KLHL1: variants seen among roughly 807,000 people sequenced by gnomAD.
The protein encoded by KLHL1 is kelch like family member 1.
Under a neutral mutation model 77.7 loss-of-function variants are expected in KLHL1, and 47 were observed. That is an observed-to-expected ratio of 0.60 (90% CI 0.48 to 0.77). The LOEUF (loss-of-function observed/expected upper bound fraction) is 0.77, where lower values mean the gene tolerates loss of function less well. KLHL1 is among the 30% of genes least tolerant of loss of function. KLHL1 has a pLI of 0.00. For missense variants in KLHL1, 925 were observed against 910.8 expected, an observed-to-expected ratio of 1.02 and a Z score of -0.20; for synonymous variants, 360 against 325.2, an observed-to-expected ratio of 1.11 and a Z score of -1.15.
intron 1 of KLHL1, among the ~76,000 whole-genome samples, chr13:70,073,739 T>G (rs959870758): frequency 6.6e-6 from 1 of 151,984 alleles, no homozygotes; most frequent in African/African-American, 2.4e-5. Context: ...ATCGTGCCAC[T>G]GCACTTTAGC....
At chr13:69,925,062 G>C (rs1028521538) in intron 4 of KLHL1, among the ~76,000 whole-genome samples, 43 of 152,146 alleles carry the variant, frequency 2.8e-4, no homozygotes, top group African/African-American at 9.4e-4. Context: ...GGTAGTGCAA[G>C]CTGGGGACAG....
chr13:69,931,827 A>G (rs1213492051), intron 4 of KLHL1, among the ~76,000 whole-genome samples: 2 of 151,896 alleles, frequency 1.3e-5, no homozygotes, highest in East Asian at 3.9e-4. Context: ...AAATTATGTT[A>G]CCTGTTAAAA....
intron 3 of KLHL1, among the ~76,000 whole-genome samples, chr13:69,945,253 G>T (rs1017416515): frequency 6.6e-6 from 1 of 151,696 alleles, no homozygotes; most frequent in African/African-American, 2.4e-5. Flanking sequence ...GATTACATGC[G>T]TGAGCCACTG....
intron 4 of KLHL1, among the ~76,000 whole-genome samples, chr13:69,938,338 AAATT>A (rs1883247961): frequency 6.6e-6 from 1 of 152,040 alleles, no homozygotes. Context: ...TCTAAGAAAT[AAATT>A]AATTTAGAGT....
chr13:69,904,365 C>A (rs964445553), intron 4 of KLHL1, among the ~76,000 whole-genome samples: 27 of 152,062 alleles, frequency 1.8e-4, no homozygotes, highest in African/African-American at 6.0e-4. Flanking sequence ...TGTATTTCAG[C>A]GAGATTTCTA....
intron 3 of KLHL1, among the ~76,000 whole-genome samples, chr13:69,947,244 G>A (rs1183459795): frequency 6.6e-6 from 1 of 152,086 alleles, no homozygotes; most frequent in African/African-American, 2.4e-5. Flanking sequence ...AATATTGGAT[G>A]TGGACAGTGA....
chr13:69,987,540 A>G (rs1419297990), intron 1 of KLHL1, among the ~76,000 whole-genome samples: 1 of 152,006 alleles, frequency 6.6e-6, no homozygotes, highest in Non-Finnish European at 1.5e-5. Flanking sequence ...GAAAAAAGGA[A>G]GTGAAAAGGA....
chr13:69,908,537 G>A (rs1882120570), intron 4 of KLHL1, among the ~76,000 whole-genome samples: 1 of 145,604 alleles, frequency 6.9e-6, no homozygotes, highest in South Asian at 2.2e-4. Flanking sequence ...AATTTGAAGA[G>A]AAAACGTAAA....
At chr13:69,750,205 C>G (rs2137946499) in intron 7 of KLHL1, among the ~76,000 whole-genome samples, 1 of 151,700 alleles carries the variant, frequency 6.6e-6, no homozygotes, top group East Asian at 1.9e-4. Flanking sequence ...CCAGGTATAA[C>G]TTATTTAAAA....
chr13:69,741,508 T>C (rs920924348), intron 7 of KLHL1, among the ~76,000 whole-genome samples: 1 of 151,598 alleles, frequency 6.6e-6, no homozygotes, highest in Non-Finnish European at 1.5e-5. Flanking sequence ...AGTTTATTAC[T>C]CATAGCAACA....
intron 2 of KLHL1, among the ~76,000 whole-genome samples, chr13:69,964,083 A>C (rs1884145546): frequency 6.6e-6 from 1 of 151,824 alleles, no homozygotes; most frequent in Non-Finnish European, 1.5e-5. Flanking sequence ...TTGCTTTGTC[A>C]CCCAGGCTGG....
chr13:69,852,608 T>C (rs1376579586), intron 5 of KLHL1, among the ~76,000 whole-genome samples: 2 of 151,998 alleles, frequency 1.3e-5, no homozygotes, highest in Non-Finnish European at 2.9e-5. Flanking sequence ...AGAAAAAATT[T>C]TAATCACTTT....
chr13:70,004,542 T>C (rs1486050220), intron 1 of KLHL1, among the ~76,000 whole-genome samples: 1 of 151,902 alleles, frequency 6.6e-6, no homozygotes, highest in African/African-American at 2.4e-5. Flanking sequence ...CCACGTTTCC[T>C]TTTTTTGTAT....
intron 9 of KLHL1, among the ~76,000 whole-genome samples, chr13:69,718,717 T>G (rs2137892319): frequency 1.3e-5 from 2 of 152,244 alleles, no homozygotes; most frequent in East Asian, 3.9e-4. Flanking sequence ...GCGATACCTG[T>G]GCCAGAAGTC....
chr13:69,913,896 T>C (rs1226564532), intron 4 of KLHL1, among the ~76,000 whole-genome samples: 1 of 152,066 alleles, frequency 6.6e-6, no homozygotes, highest in Non-Finnish European at 1.5e-5. Context: ...CCAAAGGAGA[T>C]TAACATTTGA....
At chr13:69,927,729 A>G (rs553228185) in intron 4 of KLHL1, among the ~76,000 whole-genome samples, 1 of 152,338 alleles carries the variant, frequency 6.6e-6, no homozygotes, top group Non-Finnish European at 1.5e-5. Context: ...TAGGATGGCT[A>G]TAATCAATAA....
At chr13:69,945,120 G>A (rs1166928134) in intron 3 of KLHL1, among the ~76,000 whole-genome samples, 1 of 150,504 alleles carries the variant, frequency 6.6e-6, no homozygotes, top group Non-Finnish European at 1.5e-5. Flanking sequence ...CAGGTAGCTG[G>A]GATTACAGTC....
At chr13:69,917,035 T>G (rs1566399327) in intron 4 of KLHL1, among the ~76,000 whole-genome samples, 1 of 152,072 alleles carries the variant, frequency 6.6e-6, no homozygotes, top group African/African-American at 2.4e-5. Context: ...TGCAGGTATA[T>G]GTGTATTGTT....
At chr13:70,076,324 C>G (rs1887265964) in intron 1 of KLHL1, among the ~76,000 whole-genome samples, 2 of 148,252 alleles carry the variant, frequency 1.3e-5, no homozygotes, top group African/African-American at 5.0e-5. Flanking sequence ...AACAGACCCA[C>G]ACAAACATAG....
Sources: gnomAD v4.1 joint callset for allele counts (sites outside exome capture counted in the v4.1 genomes callset) on GRCh38, gnomAD v4.1.1 for gene constraint, MANE v1.5 for transcripts, NCBI Gene and HGNC (gene_info 2026-07-23, HGNC 2026-07-21) for gene names.